The following GAK variants were observed in gnomAD, a reference collection of about 807,000 sequenced individuals.
GAK encodes cyclin-G-associated kinase.
A neutral mutation model predicts 143.9 loss-of-function variants in GAK; 79 were observed. The observed-to-expected ratio is 0.55, with a 90% confidence interval of 0.46 to 0.66. The LOEUF is 0.66. Ranked by LOEUF, GAK falls within the 30% of genes least tolerant of loss-of-function variation. GAK has a pLI of 0.00. For missense variants in GAK, 1,693 were observed against 1,779.7 expected (o/e 0.95, Z 0.88); for synonymous variants, 881 against 765.5 (o/e 1.15, Z -2.49).
At chr4:906,559 C>A (rs958735231) in intron 4 of GAK, among the ~76,000 whole-genome samples, 1 of 152,204 alleles carries the variant, frequency 6.6e-6, no homozygotes, top group African/African-American at 2.4e-5. Flanking sequence ...AGACCCAACC[C>A]ATCCTGCTCC....
chr4:905,365 G>A (rs560081977), intron 4 of GAK, among the ~76,000 whole-genome samples: 10 of 152,282 alleles, frequency 6.6e-5, no homozygotes, highest in South Asian at 2.1e-4. Context: ...GACTCTCTAC[G>A]GTTAACATCA....
chr4:891,520 G>A (rs1717649589), intron 9 of GAK, among the ~76,000 whole-genome samples: 1 of 152,044 alleles, frequency 6.6e-6, no homozygotes, highest in African/African-American at 2.4e-5. Flanking sequence ...GTTTTCTGGG[G>A]GAGTCGGTTG....
At chr4:887,237 CA>C (rs1716585350) in intron 11 of GAK, 1 of 98,140 alleles carries the variant, frequency 1.0e-5, no homozygotes, top group African/African-American at 4.2e-5. Context: ...CACGCGCACT[CA>C]CGTGTACACA....
intron 24 of GAK, chr4:852,446 C>CTT (rs79401443): frequency 2.2e-4 from 36 of 163,672 alleles, no homozygotes; most frequent in South Asian, 7.3e-4. Context: ...GATCCCGTAA[C>CTT]TTTTTTTTTT....
At chr4:908,181 C>T (rs185530040) in intron 4 of GAK, among the ~76,000 whole-genome samples, 1 of 152,292 alleles carries the variant, frequency 6.6e-6, no homozygotes, top group African/African-American at 2.4e-5. Flanking sequence ...TCACTAGACC[C>T]ACAGGAAGCC....
intron 1 of GAK, chr4:915,857 C>T (rs564562620): frequency 1.3e-5 from 2 of 152,268 alleles, no homozygotes; most frequent in South Asian, 2.1e-4. Context: ...AGGAAGTTCT[C>T]GCCGGTGCCA....
At chr4:920,218 G>T (rs1280713164) in intron 1 of GAK, among the ~76,000 whole-genome samples, 2 of 151,406 alleles carry the variant, frequency 1.3e-5, no homozygotes, top group African/African-American at 4.9e-5. Context: ...TGAGTCAGGA[G>T]AATGGCATGA....
chr4:895,193 G>A (rs1345338436), intron 7 of GAK, among the ~76,000 whole-genome samples: 1 of 152,132 alleles, frequency 6.6e-6, no homozygotes, highest in African/African-American at 2.4e-5. Context: ...TAGGGCACAG[G>A]GCAGAAGCTG....
At chr4:858,360 C>T (rs905025991) in intron 24 of GAK, among the ~76,000 whole-genome samples, 1 of 152,212 alleles carries the variant, frequency 6.6e-6, no homozygotes, top group Non-Finnish European at 1.5e-5. Context: ...GGCCGCCCAC[C>T]GAGCCAGCAG....
chr4:917,504 A>G (rs1723263591), intron 1 of GAK, among the ~76,000 whole-genome samples: 6 of 152,282 alleles, frequency 3.9e-5, no homozygotes, highest in Admixed American at 3.9e-4. Flanking sequence ...CTATAGTAAC[A>G]GAAGGCCAAT....
At chr4:864,259 G>A (rs1281077260) in intron 23 of GAK, among the ~76,000 whole-genome samples, 1 of 152,188 alleles carries the variant, frequency 6.6e-6, no homozygotes, top group Non-Finnish European at 1.5e-5. Context: ...TACTCAGGAG[G>A]CTGGGGTGGG....
Position 870,834 on chromosome 4 carries a change from C to T in GAK, c.2125G>A (p.Val709Met). 6.2e-7 allele frequency: 1 copy of T among 1,614,094 alleles called. No homozygotes were observed. Among genetic ancestry groups the T allele is most frequent in the Admixed American group, 1.7e-5 (1 of 60,018 alleles). Reference protein sequence around the residue: ...DLFQVNLEVEVEPRDRPSREA... With the variant: ...DLFQVNLEVEMEPRDRPSREA... ...CGGCTCGGCCTGTCCCTGGGCTCCA[C>T]CTCCACTTCCAGGTTCACTTGAAAT... The change falls in exon 19 of 28, where the codon GTG becomes ATG. Residue 709 changes from valine to methionine, a missense_variant. This residue lies in a region of GAK where 871 missense variants were observed against 991.0 expected (regional missense o/e 0.88). Transcript: ENST00000314167.
intron 15 of GAK, among the ~76,000 whole-genome samples, chr4:880,412 C>A (rs933968885): frequency 3.3e-5 from 5 of 152,272 alleles, no homozygotes; most frequent in African/African-American, 1.2e-4. Context: ...GCAGCTCTTT[C>A]TCTCGTCTCC....
At chr4:883,131 C>T (rs1251507455) in intron 13 of GAK, among the ~76,000 whole-genome samples, 184 bp downstream of exon 13, 5 of 152,334 alleles carry the variant, frequency 3.3e-5, no homozygotes, top group Admixed American at 2.6e-4. Flanking sequence ...TCCCGGCAAG[C>T]GGCATCCTCA....
intron 15 of GAK, 145 bp from the exon 16 acceptor site, chr4:877,954 A>C (rs1196489905): frequency 3.2e-6 from 2 of 625,598 alleles, no homozygotes; most frequent in East Asian, 3.0e-5. Flanking sequence ...CTGATGTTAT[A>C]ATTTTCATTT....
intron 23 of GAK, among the ~76,000 whole-genome samples, chr4:861,970 C>A (rs1750357277): frequency 6.6e-6 from 1 of 152,230 alleles, no homozygotes; most frequent in Admixed American, 6.5e-5. Flanking sequence ...AGGAAAGATG[C>A]CGTCTCTGCA....
intron 25 of GAK, 75 bp downstream of exon 25, chr4:851,672 AAAC>A (rs1748164514): frequency 2.0e-6 from 3 of 1,465,066 alleles, no homozygotes; most frequent in East Asian, 2.3e-5. Context: ...GAGATGAAGA[AAAC>A]AACATAGGTT....
rs1224993407 is a variant in GAK, at chr4:852,099, G to A, written c.3284-125C>T. The A allele has an allele frequency of 4.7e-6, 4 of 855,420 alleles. No homozygotes were observed. In the East Asian group the frequency reaches 7.9e-5, roughly 17 times the overall value. 53.0% of individuals were successfully genotyped at this position (855,420 alleles called of 1,614,324 possible). ...TTGCAAAATAGAACACCGATCACTC[G>A]AGGCCGTCCAGAGGTGCCGGCTCCA... is the stretch of plus-strand genomic sequence containing the variant. On this transcript the variant is annotated intron_variant, in intron 24 of 27. Transcript: ENST00000314167.
intron 4 of GAK, among the ~76,000 whole-genome samples, chr4:906,623 T>C (rs1242947455): frequency 2.0e-5 from 3 of 152,130 alleles, no homozygotes; most frequent in African/African-American, 7.2e-5. Context: ...AGTCCATGTG[T>C]GGCATCATCC....
Sources: gnomAD v4.1 joint callset for allele counts (sites outside exome capture counted in the v4.1 genomes callset) on GRCh38, gnomAD v4.1.1 for gene constraint, gnomAD v4.1.1 regional missense constraint, MANE v1.5 for transcripts, NCBI Gene and HGNC (gene_info 2026-07-23, HGNC 2026-07-21) for gene names.